POLR1E: variants seen among roughly 807,000 people sequenced by gnomAD.
The protein encoded by POLR1E is DNA-directed RNA polymerase I subunit RPA49.
POLR1E carries 37 observed loss-of-function variants against 50.9 expected under a neutral mutation model. The ratio of observed to expected loss-of-function variants is 0.73; its 90% CI spans 0.56 to 0.96. POLR1E has a LOEUF of 0.96. POLR1E is among the 40% of genes least tolerant of loss of function. The pLI is 0.00. For synonymous variants in POLR1E, 166 were observed against 191.6 expected (o/e 0.87, Z 1.10); for missense variants, 426 against 518.1 (o/e 0.82, Z 1.73).
At chr9:37,493,122 CTGAT>C (rs1247004719) in intron 5 of POLR1E, among the ~76,000 whole-genome samples, 3 of 152,248 alleles carry the variant, frequency 2.0e-5, no homozygotes, top group Non-Finnish European at 4.4e-5. Flanking sequence ...AGATGACAAA[CTGAT>C]TGAATCTTTG....
At chr9:37,495,825 A>C in intron 7 of POLR1E, 65 bp from the exon 8 acceptor site, 3 of 1,155,776 alleles carry the variant, frequency 2.6e-6, no homozygotes, top group African/African-American at 1.5e-5. Flanking sequence ...TGCCACTGCT[A>C]TGAGATGACC....
Position 37,486,013 on chromosome 9 carries a change from T to C in POLR1E, c.-35T>C. ...AAAAGTGCGCTTGTGGCTGCTGCTGTCTTAACTCCTGTGCTTGGCGGACAG... is the reference window on the plus strand; with the variant it reads ...AAAAGTGCGCTTGTGGCTGCTGCTGCCTTAACTCCTGTGCTTGGCGGACAG... On this transcript the variant is annotated 5_prime_UTR_variant, in exon 1 of 12. Transcript: ENST00000377798. 3 of 1,581,704 alleles carry C rather than the reference T, an allele frequency of 1.9e-6. No homozygotes were observed. Among genetic ancestry groups the C allele is most frequent in the African/African-American group, 1.3e-5 (1 of 74,708 alleles).
At chr9:37,500,803 T>C (rs1173461289) in intron 9 of POLR1E, 37 bp from the exon 10 acceptor site, 2 of 1,541,460 alleles carry the variant, frequency 1.3e-6, no homozygotes, top group African/African-American at 1.4e-5. Context: ...CCTGAGGGTT[T>C]TGAGAGAAAA....
chr9:37,501,555 C>T (rs1820888405), intron 10 of POLR1E, among the ~76,000 whole-genome samples, 158 bp from the exon 11 acceptor site: 1 of 152,208 alleles, frequency 6.6e-6, no homozygotes, highest in African/African-American at 2.4e-5. Context: ...GGCCCAGGAA[C>T]CTTGGAAGGG....
At chr9:37,489,153 G>C (rs1820631579) in intron 3 of POLR1E, among the ~76,000 whole-genome samples, 162 bp from the exon 4 acceptor site, 1 of 151,594 alleles carries the variant, frequency 6.6e-6, no homozygotes, top group Non-Finnish European at 1.5e-5. Context: ...CAGGAGAATT[G>C]CTTGAACCCG....
rs1237940527 is a variant in POLR1E, at chr9:37,498,180, A to G, written c.842A>G (p.Asp281Gly). The G allele has an allele frequency of 6.2e-7, 1 of 1,614,040 alleles. No individual in the cohort carries two copies. Among genetic ancestry groups the G allele is most frequent in the Admixed American group, 1.7e-5 (1 of 59,998 alleles). Residue 281 changes from aspartate to glycine, a missense_variant, in exon 9 of 12, where the codon GAT becomes GGT. Coordinates refer to ENST00000377798, the MANE Select transcript of POLR1E (RefSeq NM_022490.4). ...DRQARCIWFL[D>G]TLIKFRAHRV... ...CAGGCCCGATGCATATGGTTTCTGG[A>G]TACCCTCATCAAATTTCGAGCTCAT... is the stretch of plus-strand genomic sequence containing the variant.
At chr9:37,496,873 C>A (rs1312919985) in intron 8 of POLR1E, among the ~76,000 whole-genome samples, 2 of 152,130 alleles carry the variant, frequency 1.3e-5, no homozygotes, top group Non-Finnish European at 2.9e-5. Flanking sequence ...AGTCCAGGGT[C>A]TTGCTAGCAG....
chr9:37,491,690 G>A (rs1434140881), intron 4 of POLR1E, among the ~76,000 whole-genome samples: 3 of 151,824 alleles, frequency 2.0e-5, no homozygotes, highest in Non-Finnish European at 2.9e-5. Context: ...TCTCAAACTC[G>A]TGGCCTCAAG....
At chr9:37,490,628 A>G (rs1327674372) in intron 4 of POLR1E, 5 of 722,754 alleles carry the variant, frequency 6.9e-6, no homozygotes, top group Admixed American at 3.8e-5. Flanking sequence ...TGTGCTCAAT[A>G]CGCACACTAA....
chr9:37,502,712 C>A (rs115213361), intron 11 of POLR1E, among the ~76,000 whole-genome samples: 3 of 152,162 alleles, frequency 2.0e-5, no homozygotes, highest in East Asian at 3.8e-4. Context: ...GTACTTGGAA[C>A]CTGTCAGATT....
Position 37,503,399 on chromosome 9 carries a change from A to G in POLR1E, c.*197A>G. 1 of 503,350 alleles carries G rather than the reference A, an allele frequency of 2.0e-6. No individual in the cohort carries two copies. Among genetic ancestry groups the G allele is most frequent in the Non-Finnish European group, 3.2e-6 (1 of 308,688 alleles). 31.2% of individuals were successfully genotyped at this position (503,350 alleles called of 1,614,324 possible). A position where few individuals can be genotyped will look rare whatever the true frequency, so the allele number is the denominator to read the frequency against. On this transcript the variant is annotated 3_prime_UTR_variant, in exon 12 of 12. Coordinates refer to ENST00000377798, the MANE Select transcript of POLR1E (RefSeq NM_022490.4). ...TGAAACCAGTCTGGACAACATAGGG[A>G]GACCCCATCTCTACCGGAGGAAAAA...
intron 2 of POLR1E, among the ~76,000 whole-genome samples, chr9:37,487,530 T>TG (rs1263784056): frequency 6.6e-6 from 1 of 152,180 alleles, no homozygotes; most frequent in Admixed American, 6.5e-5. Context: ...AAAGAGAGAT[T>TG]GCTTACAGAA....
chr9:37,490,201 G>T (rs1264609824), intron 4 of POLR1E, among the ~76,000 whole-genome samples: 1 of 151,960 alleles, frequency 6.6e-6, no homozygotes, highest in Non-Finnish European at 1.5e-5. Flanking sequence ...GTAATACCTG[G>T]CCATTTTCTA....
chr9:37,494,636 G>A (rs1467454384), intron 6 of POLR1E, among the ~76,000 whole-genome samples: 2 of 152,046 alleles, frequency 1.3e-5, no homozygotes, highest in Non-Finnish European at 2.9e-5. Context: ...ACAGGGTCTT[G>A]CCATGTTGCC....
In POLR1E at chr9:37,499,140, C is replaced by T. The variant is rs146223628; in HGVS notation, c.886+916C>T. ...GTAAAACTATGATATTATAATCTTA[C>T]GGGACTGGCTGGGCATGGTGGGTCA... On this transcript the variant is annotated intron_variant, in intron 9 of 11. Transcript: ENST00000377798. Among the ~76,000 whole-genome samples, 217 of 152,196 alleles carry T rather than the reference C, an allele frequency of 1.4e-3. 1 individual carries two copies. Among genetic ancestry groups the T allele is most frequent in the African/African-American group, 4.9e-3 (203 of 41,514 alleles).
chr9:37,497,428 G>C (rs1214577395), intron 8 of POLR1E, among the ~76,000 whole-genome samples: 1 of 152,176 alleles, frequency 6.6e-6, no homozygotes, highest in Non-Finnish European at 1.5e-5. Context: ...TTGAAACCCA[G>C]GCAGGCTGAC....
Position 37,493,634 on chromosome 9 carries a change from G to C in POLR1E, c.478G>C (p.Gly160Arg). The C allele has an allele frequency of 6.2e-7, 1 of 1,610,200 alleles. No homozygotes were observed. Among genetic ancestry groups the C allele is most frequent in the Non-Finnish European group, 8.5e-7 (1 of 1,177,872 alleles). The change falls in exon 6 of 12, where the codon GGC becomes CGC. Residue 160 changes from glycine to arginine, a missense_variant. Transcript: ENST00000377798. ...GAACACCAGGAGAATGAACAGAGTT[G>C]GCAATGAATCTTTGAATCGTGCAGT... is the stretch of plus-strand genomic sequence containing the variant. ...ALNTRRMNRVGNESLNRAVAK... is the reference protein window; with the variant it reads ...ALNTRRMNRVRNESLNRAVAK...
intron 1 of POLR1E, chr9:37,486,457 C>A: frequency 6.5e-7 from 1 of 1,550,358 alleles, no homozygotes; most frequent in Non-Finnish European, 8.7e-7. Context: ...CAGGCCTCTG[C>A]TGTCAGCCTC....
intron 4 of POLR1E, chr9:37,490,518 T>TCAACCA: frequency 1.3e-6 from 1 of 785,170 alleles, no homozygotes; most frequent in African/African-American, 1.7e-5. Context: ...AGGCTGGCGC[T>TCAACCA]TCAGTTGAAC....
Sources: allele counts gnomAD v4.1 joint callset (sites outside exome capture counted in the v4.1 genomes callset), GRCh38; gene constraint gnomAD v4.1.1; transcripts MANE v1.5; gene names NCBI Gene and HGNC (gene_info 2026-07-23, HGNC 2026-07-21).